The following PROCR variants were observed in gnomAD, a reference collection of about 807,000 sequenced individuals.
PROCR encodes the protein endothelial protein C receptor.
Under a neutral mutation model 24.2 loss-of-function variants are expected in PROCR, and 22 were observed. That is an observed-to-expected ratio of 0.91 (90% CI 0.65 to 1.30). The LOEUF (loss-of-function observed/expected upper bound fraction) is 1.30, where lower values mean the gene tolerates loss of function less well. Ranked by LOEUF, PROCR falls within the 50% of genes most tolerant of loss-of-function variation. The pLI, the probability that PROCR is intolerant of heterozygous loss-of-function variation, is 0.00. For synonymous variants in PROCR, 137 were observed against 139.2 expected (o/e 0.98, Z 0.11); for missense variants, 288 against 307.7 (o/e 0.94, Z 0.48).
chr20:35,209,628 G>C (rs1022419454), intron 1 of PROCR, among the ~76,000 whole-genome samples: 6 of 152,188 alleles, frequency 3.9e-5, no homozygotes, highest in Non-Finnish European at 7.3e-5. Flanking sequence ...CAAAAACTTA[G>C]GACAAGGGGC....
chr20:35,181,624 T>C (rs966122394), downstream of PROCR, among the ~76,000 whole-genome samples: 4 of 152,216 alleles, frequency 2.6e-5, no homozygotes, highest in Non-Finnish European at 4.4e-5. Context: ...CCTTAGATTA[T>C]TTATTTTAAA....
At chr20:35,174,621 C>A (rs1400594205) in intron 1 of PROCR, 81 bp from the exon 2 acceptor site, 25 of 1,584,166 alleles carry the variant, frequency 1.6e-5, no homozygotes, top group Non-Finnish European at 2.1e-5. Flanking sequence ...GGCGGCCAGC[C>A]TCGAGGTAGG....
At chr20:35,176,124 C>T in intron 2 of PROCR, 44 bp from the exon 3 acceptor site, 1 of 1,590,174 alleles carries the variant, frequency 6.3e-7, no homozygotes, top group Non-Finnish European at 8.6e-7. Flanking sequence ...CCACACCTGG[C>T]ACCCTCTCTG....
At chr20:35,214,157 G>A (rs757020914) in intron 1 of PROCR, among the ~76,000 whole-genome samples, 4 of 152,054 alleles carry the variant, frequency 2.6e-5, no homozygotes, top group African/African-American at 4.8e-5. Context: ...AACCACTTAA[G>A]CTTCCCTCCA....
intron 1 of PROCR, among the ~76,000 whole-genome samples, chr20:35,191,712 C>G (rs2086175242): frequency 6.6e-6 from 1 of 152,048 alleles, no homozygotes; most frequent in African/African-American, 2.4e-5. Context: ...AACAAGGAGG[C>G]CAGTTTATCT....
chr20:35,174,997 G>A (rs1568590521), intron 2 of PROCR, 44 bp downstream of exon 2: 17 of 1,351,044 alleles, frequency 1.3e-5, no homozygotes, highest in Non-Finnish European at 1.7e-5. Context: ...CGGGGCTAGT[G>A]GGGGCGGGGC....
chr20:35,209,028 G>A (rs2060352516), intron 1 of PROCR, among the ~76,000 whole-genome samples: 1 of 152,114 alleles, frequency 6.6e-6, no homozygotes, highest in African/African-American at 2.4e-5. Flanking sequence ...GAAATAAGCA[G>A]GTATTGTCCT....
At chr20:35,176,576 C>G in intron 3 of PROCR, 122 bp from the exon 4 acceptor site, 4 of 1,586,714 alleles carry the variant, frequency 2.5e-6, no homozygotes, top group Non-Finnish European at 3.4e-6. Context: ...AGAACACACG[C>G]AGCTTCAGTC....
intron 1 of PROCR, among the ~76,000 whole-genome samples, chr20:35,198,623 C>T (rs373032002): frequency 2.6e-5 from 4 of 152,040 alleles, no homozygotes; most frequent in Non-Finnish European, 5.9e-5. Context: ...TACAGAAGAT[C>T]GAGCTAAGAT....
chr20:35,212,598 T>C (rs2060366540), intron 1 of PROCR, among the ~76,000 whole-genome samples: 1 of 152,188 alleles, frequency 6.6e-6, no homozygotes, highest in Non-Finnish European at 1.5e-5. Context: ...AGCCACACCA[T>C]TTTCAACTTC....
At chr20:35,177,409 C>G (rs892152429), downstream of PROCR, 10 of 966,310 alleles carry the variant, frequency 1.0e-5, no homozygotes, top group African/African-American at 1.8e-5. Flanking sequence ...GTAACCTATA[C>G]CCATTTCTTC....
intron 1 of PROCR, chr20:35,174,319 G>C (rs772962448): frequency 2.4e-5 from 8 of 328,608 alleles, no homozygotes; most frequent in Non-Finnish European, 2.4e-5. Flanking sequence ...GATGAATCCT[G>C]AATCAGGGCA....
chr20:35,203,787 T>C (rs2224320), intron 1 of PROCR, among the ~76,000 whole-genome samples: 121,529 of 151,936 alleles, frequency 0.8, 49,140 homozygotes, highest in African/African-American at 0.91. Flanking sequence ...TTGCAGCTAA[T>C]GCAGCGTGTA....
chr20:35,209,648 G>A (rs2060354536), intron 1 of PROCR, among the ~76,000 whole-genome samples: 1 of 152,190 alleles, frequency 6.6e-6, no homozygotes, highest in Non-Finnish European at 1.5e-5. Context: ...CCAAGGAGGG[G>A]AAAATCAGGA....
chr20:35,194,827 T>C (rs1171784288), intron 1 of PROCR, among the ~76,000 whole-genome samples: 1 of 152,192 alleles, frequency 6.6e-6, no homozygotes, highest in African/African-American at 2.4e-5. Context: ...CTGAAACTAA[T>C]TGAGTTATTT....
chr20:35,185,964 A>C (rs960448376), intron 1 of PROCR, among the ~76,000 whole-genome samples: 4 of 152,254 alleles, frequency 2.6e-5, no homozygotes, highest in African/African-American at 9.6e-5. Flanking sequence ...ACCCTCATAC[A>C]TTGCTGGTGG....
chr20:35,204,915 A>T (rs573435566), intron 1 of PROCR, among the ~76,000 whole-genome samples: 44 of 152,240 alleles, frequency 2.9e-4, no homozygotes, highest in East Asian at 7.7e-4. Flanking sequence ...ATATATATAT[A>T]TTTTTAAAAA....
intron 1 of PROCR, among the ~76,000 whole-genome samples, chr20:35,194,375 T>C (rs2086198574): frequency 6.6e-6 from 1 of 152,154 alleles, no homozygotes; most frequent in Non-Finnish European, 1.5e-5. Context: ...CTTAATAAGG[T>C]AGATAATAAA....
chr20:35,207,825 C>T (rs549807262), intron 1 of PROCR, among the ~76,000 whole-genome samples: 4 of 152,206 alleles, frequency 2.6e-5, no homozygotes, highest in East Asian at 3.9e-4. Flanking sequence ...CCACCACGCC[C>T]GGTCAAGTTA....
Sources: allele counts gnomAD v4.1 joint callset (sites outside exome capture counted in the v4.1 genomes callset), GRCh38; gene constraint gnomAD v4.1.1; transcripts MANE v1.5; gene names NCBI Gene and HGNC (gene_info 2026-07-23, HGNC 2026-07-21).